The following XRN1 variants were observed in gnomAD, a reference collection of about 807,000 sequenced individuals.
XRN1 encodes strand-exchange protein 1 homolog.
A neutral mutation model predicts 222.3 loss-of-function variants in XRN1; 67 were observed. The ratio of observed to expected loss-of-function variants is 0.30; its 90% CI spans 0.25 to 0.37. The LOEUF is 0.37. XRN1 is among the 10% of genes least tolerant of loss of function. The pLI is 1.00. For synonymous variants in XRN1, 643 were observed against 652.4 expected (o/e 0.99, Z 0.22); for missense variants, 1,707 against 2,000.2 (o/e 0.85, Z 2.80).
Position 142,432,761 on chromosome 3 carries a change from C to T in XRN1, c.208G>A (p.Val70Met). 1 of 1,613,814 alleles carries T rather than the reference C, an allele frequency of 6.2e-7. No individual in the cohort carries two copies. Among genetic ancestry groups the T allele is most frequent in the African/African-American group, 1.3e-5 (1 of 74,988 alleles). Residue 70 changes from valine (V) to methionine (M), a missense_variant, in exon 2 of 41, where the codon GTG becomes ATG. Transcript: ENST00000392981. Reference protein sequence around the residue: ...IFTDIFHYLEVLFRIIKPRKV... With the variant: ...IFTDIFHYLEMLFRIIKPRKV... Reference sequence around the variant, plus strand: ...CTGGGTTTAATAATGCGAAACAACACCTCCAGGTAGTGAAAAATATCAGTA... The same window carrying T: ...CTGGGTTTAATAATGCGAAACAACATCTCCAGGTAGTGAAAAATATCAGTA...
rs1403655026 is a variant in XRN1, at chr3:142,384,677, C to T, written c.2348G>A (p.Arg783Lys). ...TTCATTTATTATTATTCCTTTTCTT[C>T]TCAGGTAGCTAAAATAAAGAATAAA... is the stretch of plus-strand genomic sequence containing the variant. ...EVQGISEHYLRRKGIIINETS... is the reference protein window; with the variant it reads ...EVQGISEHYLKRKGIIINETS... The change falls in exon 21 of 41, where the codon AGA (arginine) becomes AAA (lysine). Residue 783 changes from arginine to lysine, a missense_variant. By Grantham distance (26) the Arg-to-Lys change is conservative. This residue lies in a region of XRN1 where 1,234 missense variants were observed against 1,518.2 expected (regional missense o/e 0.81). Coordinates refer to ENST00000392981, the MANE Select transcript of XRN1 (RefSeq NM_001282857.2). The T allele has an allele frequency of 2.5e-6, 4 of 1,584,252 alleles. No homozygotes were observed.
At chr3:142,323,235 G>A (rs2065410071) in intron 37 of XRN1, among the ~76,000 whole-genome samples, 1 of 151,128 alleles carries the variant, frequency 6.6e-6, no homozygotes, top group African/African-American at 2.4e-5. Context: ...ATTCCACACT[G>A]CAAGATTCCA....
chr3:142,424,026 G>A (rs1333031672), intron 5 of XRN1, among the ~76,000 whole-genome samples: 1 of 150,842 alleles, frequency 6.6e-6, no homozygotes, highest in African/African-American at 2.5e-5. Flanking sequence ...TGGAGACCAG[G>A]ATAGCCCCAG....
chr3:142,356,881 T>G (rs773943424), intron 31 of XRN1, 31 bp downstream of exon 31: 9 of 1,588,242 alleles, frequency 5.7e-6, no homozygotes, highest in Middle Eastern at 1.7e-4. Flanking sequence ...GTAAAAGGGG[T>G]AGAGGAGAAG....
At chr3:142,327,865 T>C (rs2107901673) in intron 37 of XRN1, among the ~76,000 whole-genome samples, 1 of 152,258 alleles carries the variant, frequency 6.6e-6, no homozygotes, top group South Asian at 2.1e-4. Flanking sequence ...TCTCTATTAT[T>C]TCACACTCTA....
chr3:142,418,247 A>G (rs2068861779), intron 12 of XRN1: 1 of 347,354 alleles, frequency 2.9e-6, no homozygotes, highest in African/African-American at 2.1e-5. Context: ...TAATTTTTTT[A>G]CTATTATAAA....
At position 142,377,241 on chromosome 3, in the gene XRN1, C is replaced by T. The variant is rs148824136; in HGVS notation, c.2716-647G>A. 6.3e-4 allele frequency among the ~76,000 whole-genome samples: 91 copies of T among 144,452 alleles called. 1 individual carries two copies. The highest frequency in any genetic ancestry group is 2.1e-3 in the African/African-American group (81 of 39,340). The allele number at this position is 144,452 out of a possible 152,430, so 94.8% of individuals were successfully genotyped here. A position where few individuals can be genotyped will look rare whatever the true frequency, so the allele number is the denominator to read the frequency against. ...ACATTAAAAAAAAAAAAAGAAGTAA[C>T]AGATCATATAATATTTAACCAGGAA... On this transcript the variant is annotated intron_variant, in intron 23 of 40. Transcript: ENST00000392981.
rs1445616846 is a variant in XRN1 at position 142,310,556 on chromosome 3, C to T, written c.*955G>A. The T allele has an allele frequency of 6.6e-6, 1 of 152,522 alleles. No homozygotes were observed. Among genetic ancestry groups the T allele is most frequent in the Non-Finnish European group, 1.5e-5 (1 of 68,000 alleles). The allele number at this position is 152,522 out of a possible 1,614,324, so 9.4% of individuals were successfully genotyped here. On this transcript the variant is annotated 3_prime_UTR_variant, in exon 41 of 41. Transcript: ENST00000392981. ...TGACTGTGCCTCCTATATTGTAGCA[C>T]ACCTTGGAACTTAAACAACAATTAG...
chr3:142,318,937 C>G (rs748711584), intron 37 of XRN1, 34 bp from the exon 38 acceptor site: 4 of 1,578,572 alleles, frequency 2.5e-6, no homozygotes, highest in Non-Finnish European at 3.5e-6. Context: ...CTATGAAATT[C>G]TCTGTCTAGG....
chr3:142,334,711 G>GTA (rs1337590567), intron 34 of XRN1, among the ~76,000 whole-genome samples: 2 of 149,554 alleles, frequency 1.3e-5, no homozygotes, highest in African/African-American at 4.9e-5. Flanking sequence ...ATGTCTATGT[G>GTA]TATATATATA....
At chr3:142,346,208 A>G (rs1338800867) in intron 33 of XRN1, among the ~76,000 whole-genome samples, 2 of 152,234 alleles carry the variant, frequency 1.3e-5, no homozygotes, top group African/African-American at 4.8e-5. Context: ...AGAAAGGATG[A>G]AGTACTGATA....
At chr3:142,436,059 CA>C (rs750789773) in intron 1 of XRN1, 1,947 of 112,372 alleles carry the variant, frequency 0.017, 21 homozygotes, top group African/African-American at 0.052. Flanking sequence ...GACTCCACCT[CA>C]AAAAAAAAAA....
chr3:142,332,821 G>T, intron 35 of XRN1, 146 bp downstream of exon 35: 1 of 1,269,420 alleles, frequency 7.9e-7, no homozygotes, highest in Non-Finnish European at 1.1e-6. Flanking sequence ...ATTGCCCAGG[G>T]CAGCCTGGTT....
Position 142,418,651 on chromosome 3 carries a change from A to G in XRN1, c.1241-42T>C, listed in dbSNP as rs367892741. The G allele has an allele frequency of 4.0e-6, 6 of 1,512,928 alleles. No homozygotes were observed. The African/African-American group carries it at 8.3e-5, about 21-fold the overall frequency. 93.7% of individuals were successfully genotyped at this position (1,512,928 alleles called of 1,614,324 possible). A position where few individuals can be genotyped will look rare whatever the true frequency, so the allele number is the denominator to read the frequency against. On this transcript the variant is annotated intron_variant, in intron 11 of 40. Transcript: ENST00000392981. ...GAAAGATAGTGACTGACAATTATGA[A>G]TAGCCTGTTTTTCCACCTAATGATT...
In XRN1 at chr3:142,333,008, G is replaced by T. The variant is rs199913131; in HGVS notation, c.4021C>A (p.Pro1341Thr). 8 of 1,613,492 alleles carry T rather than the reference G, an allele frequency of 5.0e-6. No individual in the cohort carries two copies. Among genetic ancestry groups the T allele is most frequent in the Non-Finnish European group, 6.8e-6 (8 of 1,179,784 alleles). Residue 1341 changes from proline to threonine, a missense_variant, in exon 35 of 41, where the codon CCT becomes ACT. Pro to Thr is a conservative substitution (Grantham distance 38). Transcript: ENST00000392981. ...NEVQSSHHGEPPSEEHLSPQS... is the reference protein window; with the variant it reads ...NEVQSSHHGETPSEEHLSPQS... The stretch of plus-strand genomic sequence containing the variant: ...GGTGACAAATGCTCTTCACTTGGAG[G>T]CTCCCCATGATGAGATGACTGTACT...
chr3:142,310,173 A>C lies in XRN1; in HGVS notation c.*1338T>G, dbSNP rs958058077. ...ATACCAGCATTTTAAAAAACAAGTA[A>C]GACTACTTTAAGAGTCATGGCAGAG... On this transcript the variant is annotated 3_prime_UTR_variant, in exon 41 of 41. Transcript: ENST00000392981. 1 of 152,604 alleles carries C rather than the reference A, an allele frequency of 6.6e-6. No homozygotes were observed. The highest frequency in any genetic ancestry group is 2.4e-5 in the African/African-American group (1 of 41,448). The allele number at this position is 152,604 out of a possible 1,614,324, so 9.5% of individuals were successfully genotyped here. A position where few individuals can be genotyped will look rare whatever the true frequency, so the allele number is the denominator to read the frequency against.
chr3:142,310,420 C>G lies in XRN1; in HGVS notation c.*1091G>C, dbSNP rs2107838487. The stretch of plus-strand genomic sequence containing the variant: ...ACAGTTACAGCTTGAACCACACATT[C>G]ACATATGACATGCAAAGAGAGAATC... On this transcript the variant is annotated 3_prime_UTR_variant, in exon 41 of 41. Transcript: ENST00000392981. 1 of 152,630 alleles carries G rather than the reference C, an allele frequency of 6.6e-6. No individual in the cohort carries two copies. Among genetic ancestry groups the G allele is most frequent in the Non-Finnish European group, 1.5e-5 (1 of 68,018 alleles). The allele number at this position is 152,630 out of a possible 1,614,324, so 9.5% of individuals were successfully genotyped here.
At chr3:142,436,135 A>C (rs1017080931) in intron 1 of XRN1, 5 of 152,128 alleles carry the variant, frequency 3.3e-5, no homozygotes, top group African/African-American at 1.2e-4. Flanking sequence ...TAAACAAAAA[A>C]GTCATAAGTC....
chr3:142,391,394 T>G (rs2067705114), intron 20 of XRN1, among the ~76,000 whole-genome samples: 1 of 152,218 alleles, frequency 6.6e-6, no homozygotes, highest in Non-Finnish European at 1.5e-5. Flanking sequence ...TTTCTTTTAC[T>G]ATATACTTTT....
Sources: allele counts gnomAD v4.1 joint callset (sites outside exome capture counted in the v4.1 genomes callset), GRCh38; gene constraint gnomAD v4.1.1; regional missense constraint gnomAD v4.1.1; transcripts MANE v1.5; gene names NCBI Gene and HGNC (gene_info 2026-07-23, HGNC 2026-07-21).